The following TENM2 variants were observed in gnomAD, a reference collection of about 807,000 sequenced individuals.
TENM2 encodes the protein teneurin transmembrane protein 2, also known as teneurin-2.
A neutral mutation model predicts 245.2 loss-of-function variants in TENM2; 52 were observed. That is an observed-to-expected ratio of 0.21 (90% confidence interval 0.17 to 0.27). The LOEUF (loss-of-function observed/expected upper bound fraction) is 0.27. Ranked by LOEUF, TENM2 falls within the 10% of genes least tolerant of loss-of-function variation. The pLI, the probability that TENM2 is intolerant of heterozygous loss-of-function variation, is 1.00. For synonymous variants in TENM2, 1,363 were observed against 1,438.9 expected (o/e 0.95, Z 1.19); for missense variants, 3,046 against 3,666.8 (o/e 0.83, Z 4.37).
In TENM2 at chr5:167,738,552, G is replaced by A. The variant is rs1266257922; in HGVS notation, c.503-137434G>A. 2.6e-5 allele frequency among the ~76,000 whole-genome samples: 4 copies of A among 152,178 alleles called. No homozygotes were observed. The East Asian group carries it at 7.7e-4, about 29-fold the overall frequency. On this transcript the variant is annotated intron_variant, in intron 2 of 28. Coordinates refer to ENST00000518659, the Ensembl canonical transcript of TENM2. ...CTAGTGTCTTAAACAGATTTGTGAT[G>A]AAATAATCGATAAATATTTATTAAA...
chr5:168,002,999 G>T (rs1412523131), intron 5 of TENM2, among the ~76,000 whole-genome samples: 1 of 152,182 alleles, frequency 6.6e-6, no homozygotes, highest in African/African-American at 2.4e-5. Context: ...GGGGTAAGTT[G>T]TGTTTTGCAT....
At chr5:167,449,036 C>A (rs772883519) in intron 2 of TENM2, among the ~76,000 whole-genome samples, 13 of 149,642 alleles carry the variant, frequency 8.7e-5, no homozygotes, top group Non-Finnish European at 1.6e-4. Context: ...TTATTTGTTT[C>A]TAAATGTTGA....
chr5:167,154,753 C>T, the TENM2 span, among the ~76,000 whole-genome samples: 2 of 152,148 alleles, frequency 1.3e-5, no homozygotes, highest in East Asian at 3.9e-4. Context: ...TCTCCGTTCC[C>T]GAATTGCCTT....
At chr5:168,156,248 A>T (rs1190309251) in intron 12 of TENM2, among the ~76,000 whole-genome samples, 1 of 13,966 alleles carries the variant, frequency 7.2e-5, no homozygotes, top group Non-Finnish European at 1.6e-4. Flanking sequence ...CCCCATAGTT[A>T]AAAAAAAAAA....
intron 2 of TENM2, among the ~76,000 whole-genome samples, chr5:167,546,644 A>T (rs77244252): frequency 0.06 from 9,190 of 152,182 alleles, 374 homozygotes; most frequent in Admixed American, 0.15. Flanking sequence ...GGGTGCCTGC[A>T]TTTGATAGTC....
At chr5:167,870,124 A>C (rs1583236172) in intron 2 of TENM2, among the ~76,000 whole-genome samples, 1 of 152,314 alleles carries the variant, frequency 6.6e-6, no homozygotes, top group East Asian at 1.9e-4. Context: ...GTTTTTATTA[A>C]GTTCTTGAAG....
chr5:167,287,356 T>C (rs1055878451), intron 1 of TENM2: 9 of 152,204 alleles, frequency 5.9e-5, no homozygotes, highest in Admixed American at 5.2e-4. Flanking sequence ...TTCTTATTCA[T>C]GAAATCAAAG....
At chr5:167,840,430 G>A (rs757819456) in intron 2 of TENM2, among the ~76,000 whole-genome samples, 6 of 152,170 alleles carry the variant, frequency 3.9e-5, no homozygotes, top group Non-Finnish European at 5.9e-5. Context: ...TACAGATCCT[G>A]TTATAACTGA....
At chr5:168,212,748 G>T (rs536395672) in intron 20 of TENM2, among the ~76,000 whole-genome samples, 1 of 152,270 alleles carries the variant, frequency 6.6e-6, no homozygotes, top group South Asian at 2.1e-4. Flanking sequence ...AAATGCCCTG[G>T]AAGGACATTT....
chr5:167,526,111 A>G (rs970039411), intron 2 of TENM2, among the ~76,000 whole-genome samples: 9 of 151,966 alleles, frequency 5.9e-5, no homozygotes, highest in East Asian at 5.8e-4. Context: ...ATTCATTTAT[A>G]TATTCATAAA....
chr5:167,181,785 C>T, the TENM2 span, among the ~76,000 whole-genome samples: 5 of 152,048 alleles, frequency 3.3e-5, no homozygotes, highest in Non-Finnish European at 7.4e-5. Flanking sequence ...TTCATTGTAA[C>T]ACAACACATT....
the TENM2 span, among the ~76,000 whole-genome samples, chr5:167,264,336 T>C: frequency 2.6e-5 from 4 of 152,208 alleles, no homozygotes; most frequent in Non-Finnish European, 5.9e-5. Flanking sequence ...CTGGTGGATA[T>C]GTTCTCTGTC....
intron 2 of TENM2, among the ~76,000 whole-genome samples, chr5:167,446,718 C>T (rs1765231671): frequency 1.3e-5 from 2 of 150,864 alleles, no homozygotes; most frequent in Admixed American, 6.6e-5. Context: ...GGATTTGTAC[C>T]CATGTGATGT....
chr5:167,327,516 A>G (rs899413860), intron 1 of TENM2, among the ~76,000 whole-genome samples: 7 of 152,228 alleles, frequency 4.6e-5, no homozygotes, highest in East Asian at 1.9e-4. Context: ...TGGCGCATAG[A>G]CACCCAGTAA....
the TENM2 span, among the ~76,000 whole-genome samples, chr5:167,180,957 C>A: frequency 2.0e-5 from 3 of 148,304 alleles, no homozygotes; most frequent in East Asian, 2.0e-4. Flanking sequence ...AAAAAAAAAA[C>A]AAAAAACAAA....
intron 2 of TENM2, among the ~76,000 whole-genome samples, chr5:167,854,635 T>G (rs1365499011): frequency 6.6e-6 from 1 of 152,208 alleles, no homozygotes; most frequent in African/African-American, 2.4e-5. Context: ...AAGCAACAAT[T>G]GGCATCATTT....
the TENM2 span, among the ~76,000 whole-genome samples, chr5:167,278,517 T>G: frequency 6.6e-6 from 1 of 152,208 alleles, no homozygotes; most frequent in African/African-American, 2.4e-5. Flanking sequence ...TGTTTTATTT[T>G]TCCCACTTCC....
chr5:167,353,494 G>T (rs999872873), intron 1 of TENM2, among the ~76,000 whole-genome samples: 25 of 89,046 alleles, frequency 2.8e-4, no homozygotes, highest in Non-Finnish European at 4.4e-4. Flanking sequence ...TTTTGTTGTT[G>T]TTGTTGTTTT....
At chr5:167,276,322 C>A in the TENM2 span, among the ~76,000 whole-genome samples, 1 of 149,284 alleles carries the variant, frequency 6.7e-6, no homozygotes, top group African/African-American at 2.5e-5. Flanking sequence ...TGGTAGAATT[C>A]ACCAGTGAAA....
Sources: allele counts gnomAD v4.1 joint callset (sites outside exome capture counted in the v4.1 genomes callset), GRCh38; gene constraint gnomAD v4.1.1; transcripts MANE v1.5; gene names NCBI Gene and HGNC (gene_info 2026-07-23, HGNC 2026-07-21).